The following NMU variants were observed in gnomAD, a reference collection of about 807,000 sequenced individuals.
The protein encoded by NMU is neuromedin U, also known as neuromedin-U.
A neutral mutation model predicts 35.4 loss-of-function variants in NMU; 29 were observed. The ratio of observed to expected loss-of-function variants is 0.82; its 90% CI spans 0.61 to 1.12. NMU has a LOEUF of 1.12. NMU is among the 50% of genes most tolerant of loss of function. The pLI is 0.00. For missense variants in NMU, 199 were observed against 206.2 expected, an observed-to-expected ratio of 0.97 and a Z score of 0.21; for synonymous variants, 78 against 81.3, an observed-to-expected ratio of 0.96 and a Z score of 0.22.
chr4:55,603,900 A>G (rs1377871022), intron 7 of NMU, among the ~76,000 whole-genome samples: 1 of 106,364 alleles, frequency 9.4e-6, no homozygotes, highest in Non-Finnish European at 2.0e-5. Context: ...CGACAGAGCA[A>G]GAGTCCGTCT....
intron 2 of NMU, among the ~76,000 whole-genome samples, chr4:55,628,868 G>T (rs1734647225): frequency 6.6e-6 from 1 of 151,602 alleles, no homozygotes; most frequent in African/African-American, 2.4e-5. Flanking sequence ...AGAATGCTTA[G>T]CTTATTAATG....
intron 2 of NMU, among the ~76,000 whole-genome samples, chr4:55,627,934 G>T (rs1344397131): frequency 3.9e-5 from 6 of 152,170 alleles, no homozygotes; most frequent in Non-Finnish European, 8.8e-5. Flanking sequence ...CTGGGTAAAG[G>T]TTATGTATCA....
rs1325694052 is a variant in NMU, at chr4:55,619,887, AC to A, written c.172-3503del. On this transcript the variant is annotated intron_variant, in intron 2 of 9. Transcript: ENST00000264218. ...CCCCCGAGCAGCCTAACTGGGAGGC[AC>A]CCCCCAGCAGGGGCACACTGACACC... Among the ~76,000 whole-genome samples, 5 of 127,402 alleles carry A rather than the reference AC, an allele frequency of 3.9e-5. No homozygotes were observed. In the East Asian group the frequency reaches 9.8e-4, roughly 25 times the overall value. 83.6% of individuals were successfully genotyped at this position (127,402 alleles called of 152,430 possible).
chr4:55,595,563 TAC>T lies in NMU; in HGVS notation c.*5-154_*5-153del, dbSNP rs1553908987. Among the ~76,000 whole-genome samples the T allele has an allele frequency of 6.4e-4, 77 of 120,036 alleles. 1 individual carries two copies. The highest frequency in any genetic ancestry group is 9.3e-4 in the Non-Finnish European group (56 of 60,404). 78.7% of individuals were successfully genotyped at this position (120,036 alleles called of 152,430 possible). On this transcript the variant is annotated intron_variant, in intron 9 of 9. Coordinates refer to ENST00000264218, the MANE Select transcript of NMU (RefSeq NM_006681.4). ...AGCTGTATATATATATATATATATA[TAC>T]ACACACACACACACACACATGCACA... is the stretch of plus-strand genomic sequence containing the variant.
intron 1 of NMU, among the ~76,000 whole-genome samples, 181 bp downstream of exon 1, chr4:55,635,900 G>T (rs948243461): frequency 1.3e-5 from 2 of 152,228 alleles, no homozygotes; most frequent in Non-Finnish European, 2.9e-5. Flanking sequence ...CTCCTACGTC[G>T]CTAGTTGCCC....
chr4:55,615,808 GTGT>G (rs1560520650), intron 3 of NMU, among the ~76,000 whole-genome samples: 1 of 151,876 alleles, frequency 6.6e-6, no homozygotes, highest in East Asian at 1.9e-4. Flanking sequence ...AGCAGGCCCT[GTGT>G]CTGTTGTTCC....
chr4:55,611,858 A>T (rs1733946696), intron 3 of NMU, among the ~76,000 whole-genome samples: 1 of 152,174 alleles, frequency 6.6e-6, no homozygotes, highest in African/African-American at 2.4e-5. Context: ...CCCATTTTTA[A>T]GTGATGCATG....
intron 1 of NMU, among the ~76,000 whole-genome samples, chr4:55,632,551 C>T (rs1577966295): frequency 6.6e-6 from 1 of 152,114 alleles, no homozygotes; most frequent in Admixed American, 6.5e-5. Flanking sequence ...ATATTTCTCA[C>T]CCTACCACAA....
intron 2 of NMU, among the ~76,000 whole-genome samples, chr4:55,625,067 T>TAGATGAC (rs1734465011): frequency 9.2e-6 from 1 of 109,184 alleles, no homozygotes; most frequent in South Asian, 4.6e-4. Context: ...TACCTAATGC[T>TAGATGAC]AGATGACGCG....
In NMU at chr4:55,616,369, G is replaced by A. The variant is rs753988049; in HGVS notation, c.188C>T (p.Ser63Leu). The change falls in exon 3 of 10, where the codon TCG becomes TTG. Residue 63 changes from serine to leucine, a missense_variant. Coordinates refer to ENST00000264218, the MANE Select transcript of NMU (RefSeq NM_006681.4). ...QLWNEIDDTC[S>L]SFLSIDSQPQ... Reference sequence around the variant, plus strand: ...CTGAGAATCAATGGACAGAAAAGACGAACAAGTATCATCTATCTGTAGAAA... The same window carrying A: ...CTGAGAATCAATGGACAGAAAAGACAAACAAGTATCATCTATCTGTAGAAA... The A allele has an allele frequency of 3.1e-5, 50 of 1,611,476 alleles. No individual in the cohort carries two copies. Among genetic ancestry groups the A allele is most frequent in the South Asian group, 7.7e-5 (7 of 91,030 alleles).
rs35083424 is a variant in NMU, at chr4:55,595,542, GTATATA to G, written c.*5-137_*5-132del. 1.6e-3 allele frequency: 169 copies of G among 107,968 alleles called. 1 individual carries two copies. Among genetic ancestry groups the G allele is most frequent in the South Asian group, 5.1e-3 (15 of 2,930 alleles). 6.7% of individuals were successfully genotyped at this position (107,968 alleles called of 1,614,324 possible). ...GTAGCATCTGACATATTTCCCAGCT[GTATATA>G]TATATATATATATATACACACACAC... On this transcript the variant is annotated intron_variant, in intron 9 of 9. Transcript: ENST00000264218.
chr4:55,633,713 C>A (rs1715740370), intron 1 of NMU, among the ~76,000 whole-genome samples: 3 of 152,200 alleles, frequency 2.0e-5, no homozygotes, highest in South Asian at 4.1e-4. Flanking sequence ...CACCAATTTT[C>A]TTTTCTCATT....
At chr4:55,627,298 T>G (rs1734572329) in intron 2 of NMU, among the ~76,000 whole-genome samples, 1 of 152,114 alleles carries the variant, frequency 6.6e-6, no homozygotes, top group South Asian at 2.1e-4. Context: ...CAGTATCTGA[T>G]AAGGCAAGTT....
intron 1 of NMU, among the ~76,000 whole-genome samples, chr4:55,630,970 A>G (rs1734731388): frequency 6.6e-6 from 1 of 152,228 alleles, no homozygotes; most frequent in South Asian, 2.1e-4. Context: ...TGGTACTGGT[A>G]TAAAAATAGG....
At chr4:55,625,828 G>A (rs1376408511) in intron 2 of NMU, among the ~76,000 whole-genome samples, 1 of 151,456 alleles carries the variant, frequency 6.6e-6, no homozygotes, top group Admixed American at 6.6e-5. Context: ...ATGTTGCTGG[G>A]TGTCTATCTA....
intron 6 of NMU, 128 bp from the exon 7 acceptor site, chr4:55,605,477 G>A: frequency 1.3e-6 from 1 of 756,430 alleles, no homozygotes; most frequent in Non-Finnish European, 2.4e-6. Context: ...AATTAAAGAT[G>A]TCACCTAAAA....
intron 6 of NMU, 127 bp from the exon 7 acceptor site, chr4:55,605,476 T>C (rs1733643671): frequency 1.3e-6 from 1 of 758,696 alleles, no homozygotes; most frequent in South Asian, 1.4e-5. Flanking sequence ...AAATTAAAGA[T>C]GTCACCTAAA....
At chr4:55,604,027 A>ATATAC (rs1733567304) in intron 7 of NMU, among the ~76,000 whole-genome samples, 4 of 28,962 alleles carry the variant, frequency 1.4e-4, no homozygotes, top group Admixed American at 4.4e-4. Flanking sequence ...GTATATATAT[A>ATATAC]ATCCTAGAAA....
intron 2 of NMU, among the ~76,000 whole-genome samples, chr4:55,629,360 C>T (rs186522749): frequency 7.0e-4 from 106 of 151,910 alleles, no homozygotes; most frequent in African/African-American, 2.4e-3. Context: ...GTGGCTCCTG[C>T]CTGTAATCCC....
Sources: allele counts gnomAD v4.1 joint callset (sites outside exome capture counted in the v4.1 genomes callset), GRCh38; gene constraint gnomAD v4.1.1; transcripts MANE v1.5; gene names NCBI Gene and HGNC (gene_info 2026-07-23, HGNC 2026-07-21).